F13B: variants seen among roughly 807,000 people sequenced by gnomAD.
F13B encodes the protein TGase.
Under a neutral mutation model 79.8 loss-of-function variants are expected in F13B, and 58 were observed. The ratio of observed to expected loss-of-function variants is 0.73; its 90% CI spans 0.59 to 0.90. F13B has a LOEUF of 0.90. Among genes scored for constraint, F13B ranks in the 40% least tolerant of loss-of-function variants. The pLI is 0.00. For synonymous variants in F13B, 283 were observed against 260.3 expected (o/e 1.09, Z -0.84); for missense variants, 773 against 777.0 (o/e 0.99, Z 0.06).
At chr1:197,039,943 A>G (rs1571546234) in intron 11 of F13B, among the ~76,000 whole-genome samples, 1 of 152,214 alleles carries the variant, frequency 6.6e-6, no homozygotes, top group East Asian at 1.9e-4. Flanking sequence ...AGTGTCTTCA[A>G]AAAGGGTTAA....
chr1:197,057,461 T>C lies in F13B; in HGVS notation c.810A>G (p.Arg270=), dbSNP rs775145343. The C allele has an allele frequency of 3.1e-6, 5 of 1,613,592 alleles. No individual in the cohort carries two copies. In the African/African-American group the frequency reaches 6.7e-5, roughly 22 times the overall value. ...GAGGTGGAGGAGGACATCTGTTTCTTCTTCCTTATGGAAAAAATTAATCAG... is the reference window on the plus strand; with the variant it reads ...GAGGTGGAGGAGGACATCTGTTTCTCCTTCCTTATGGAAAAAATTAATCAG... ...WYPESPVCEG[R]RNRCPPPPLP... The change falls in exon 6 of 12, where the codon AGA becomes AGG. Residue 270 remains arginine (R), a synonymous_variant. Transcript: ENST00000367412.
chr1:197,061,794 C>T lies in F13B; in HGVS notation c.441G>A (p.Arg147=). The change falls in exon 3 of 12, where the codon AGG becomes AGA. Residue 147 remains arginine (R), a synonymous_variant. Coordinates refer to ENST00000367412, the MANE Select transcript of F13B (RefSeq NM_001994.3). ...AAATGATTCTTATACCATGTTCTTT[C>T]CTACAGGTTGGTTGAGAAGACCATC... ...SDGWSSQPTC[R]KEHETCLAPE... is the part of the protein sequence containing the mutation. 6.2e-7 allele frequency: 1 copy of T among 1,612,988 alleles called. No individual in the cohort carries two copies. The highest frequency in any genetic ancestry group is 8.5e-7 in the Non-Finnish European group (1 of 1,179,314).
At chr1:197,049,201 A>C (rs6669374) in intron 10 of F13B, among the ~76,000 whole-genome samples, 2,296 of 152,126 alleles carry the variant, frequency 0.015, 51 homozygotes, top group African/African-American at 0.049. Flanking sequence ...GTATTCATCT[A>C]AACAAGCCAG....
At chr1:197,041,822 A>C (rs1341086568) in intron 10 of F13B, among the ~76,000 whole-genome samples, 4 of 152,262 alleles carry the variant, frequency 2.6e-5, no homozygotes, top group Middle Eastern at 3.4e-3. Flanking sequence ...CGAAACTAGC[A>C]TGGATTTCTT....
chr1:197,041,367 G>A (rs555599304), intron 10 of F13B, among the ~76,000 whole-genome samples: 1 of 152,160 alleles, frequency 6.6e-6, no homozygotes, highest in African/African-American at 2.4e-5. Context: ...GAATGGTAAA[G>A]TATGTATTAA....
chr1:197,054,933 A>T (rs999885094), intron 8 of F13B, among the ~76,000 whole-genome samples: 9 of 152,030 alleles, frequency 5.9e-5, no homozygotes, highest in African/African-American at 2.2e-4. Context: ...ATGTACAAAG[A>T]TTTACTTGAA....
At chr1:197,040,365 AGTT>A (rs1167849730) in intron 11 of F13B, 154 bp downstream of exon 11, 1 of 604,622 alleles carries the variant, frequency 1.7e-6, no homozygotes, top group Non-Finnish European at 2.9e-6. Flanking sequence ...TACCACTTCC[AGTT>A]GTTTGTTTGG....
rs756187354 is a variant in F13B at position 197,039,386 on chromosome 1, TTAAGGG to T, written c.1972_1977del (p.Pro658_Leu659del). On this transcript the variant is annotated inframe_deletion, in exon 12 of 12. Coordinates refer to ENST00000367412, the MANE Select transcript of F13B (RefSeq NM_001994.3). ...CTTTCTGCCATTCATTTCTATGTTC[TTAAGGG>T]TTCTTGATAAGACAGAGTGCTTGAG... 1 of 1,610,952 alleles carries T rather than the reference TTAAGGG, an allele frequency of 6.2e-7. No homozygotes were observed. Among genetic ancestry groups the T allele is most frequent in the Non-Finnish European group, 8.5e-7 (1 of 1,177,824 alleles).
At chr1:197,043,765 A>C (rs1037677132) in intron 10 of F13B, among the ~76,000 whole-genome samples, 3 of 152,130 alleles carry the variant, frequency 2.0e-5, no homozygotes, top group African/African-American at 7.2e-5. Context: ...TGAAACAAGA[A>C]GAAAATGAGA....
rs1387837561 is a variant in F13B, at chr1:197,057,430, T to C, written c.841A>G (p.Ile281Val). 10 of 1,613,908 alleles carry C rather than the reference T, an allele frequency of 6.2e-6. No homozygotes were observed. The highest frequency in any genetic ancestry group is 8.5e-6 in the Non-Finnish European group (10 of 1,179,868). ...RNRCPPPPLPINSKIQTHSTT... is the reference protein window; with the variant it reads ...RNRCPPPPLPVNSKIQTHSTT... ...GAATGTGTTTGAATTTTGGAGTTTA[T>C]GGGCAGAGGTGGAGGAGGACATCTG... The change falls in exon 6 of 12, where the codon ATA (isoleucine) becomes GTA (valine). Residue 281 changes from isoleucine (I) to valine (V), a missense_variant. Physicochemically the swap from Ile to Val is conservative, Grantham distance 29 (BLOSUM62 3). Transcript: ENST00000367412.
At chr1:197,050,268 T>C (rs575032150) in intron 10 of F13B, among the ~76,000 whole-genome samples, 1 of 152,310 alleles carries the variant, frequency 6.6e-6, no homozygotes, top group Non-Finnish European at 1.5e-5. Context: ...TAAATGTTGT[T>C]ACTCTTACTA....
At chr1:197,048,812 G>A (rs17549381) in intron 10 of F13B, among the ~76,000 whole-genome samples, 1,387 of 94,464 alleles carry the variant, frequency 0.015, 6 homozygotes, top group Non-Finnish European at 0.026. Context: ...ACCCAACAAT[G>A]ACAAAGTTAA....
chr1:197,057,001 T>C lies in F13B; in HGVS notation c.1171+12A>G, dbSNP rs1655664233. 5.0e-6 allele frequency: 8 copies of C among 1,612,708 alleles called. No individual in the cohort carries two copies. Among genetic ancestry groups the C allele is most frequent in the Non-Finnish European group, 5.9e-6 (7 of 1,179,440 alleles). On this transcript the variant is annotated intron_variant, in intron 7 of 11. Coordinates refer to ENST00000367412, the MANE Select transcript of F13B (RefSeq NM_001994.3). ...TAAGTTTAGCTACTGATGGTAAATGTAGCATACATACCAACACACTCAGGA... is the reference window on the plus strand; with the variant it reads ...TAAGTTTAGCTACTGATGGTAAATGCAGCATACATACCAACACACTCAGGA...
rs1558312007 is a variant in F13B at position 197,061,856 on chromosome 1, C to T, written c.379G>A (p.Gly127Arg). ...GCASGYKTTG[G>R]KDEEVVQCLS... ...CATTGAACCACTTCTTCATCCTTCC[C>T]TCCAGTGGTTTTGTACCCTGAAGCG... The change falls in exon 3 of 12, where the codon GGG (glycine) becomes AGG (arginine). Residue 127 changes from glycine (G) to arginine (R), a missense_variant. By Grantham distance (125) the Gly-to-Arg change is moderately radical (BLOSUM62 -2). Coordinates refer to ENST00000367412, the MANE Select transcript of F13B (RefSeq NM_001994.3). 6.2e-7 allele frequency: 1 copy of T among 1,613,366 alleles called. No individual in the cohort carries two copies. The highest frequency in any genetic ancestry group is 8.5e-7 in the Non-Finnish European group (1 of 1,179,630).
At chr1:197,047,675 T>G (rs116359808) in intron 10 of F13B, among the ~76,000 whole-genome samples, 1 of 152,176 alleles carries the variant, frequency 6.6e-6, no homozygotes, top group South Asian at 2.1e-4. Context: ...CATTCTGCTA[T>G]AAAGACAAAT....
At position 197,052,970 on chromosome 1, in the gene F13B, C is replaced by T. The variant is rs75240821; in HGVS notation, c.1355-136G>A. 29 of 488,130 alleles carry T rather than the reference C, an allele frequency of 5.9e-5. No homozygotes were observed. In the South Asian group the frequency reaches 7.9e-4, roughly 13 times the overall value. 30.2% of individuals were successfully genotyped at this position (488,130 alleles called of 1,614,324 possible). A position where few individuals can be genotyped will look rare whatever the true frequency, so the allele number is the denominator to read the frequency against. On this transcript the variant is annotated intron_variant, in intron 8 of 11. Transcript: ENST00000367412. ...AATCATAATTAAGGCTTCTCTCACACACATATATATATAAGAAAATATATA... is the reference window on the plus strand; with the variant it reads ...AATCATAATTAAGGCTTCTCTCACATACATATATATATAAGAAAATATATA...
intron 1 of F13B, among the ~76,000 whole-genome samples, chr1:197,063,420 G>A (rs1655940484): frequency 6.6e-6 from 1 of 151,978 alleles, no homozygotes; most frequent in Admixed American, 6.6e-5. Context: ...GAGCTCCTGG[G>A]CTTAAGCAAG....
In F13B at chr1:197,052,619, A is replaced by G. The variant is rs764810891; in HGVS notation, c.1555+15T>C. ...GGTCAAGTAAAGATACTTGCAGAGA[A>G]CATTATTATTTTACCTTTTCTAGTA... On this transcript the variant is annotated intron_variant, in intron 9 of 11. Transcript: ENST00000367412. The G allele has an allele frequency of 8.8e-6, 14 of 1,582,240 alleles. No individual in the cohort carries two copies. The highest frequency in any genetic ancestry group is 9.5e-6 in the Non-Finnish European group (11 of 1,153,464).
intron 5 of F13B, among the ~76,000 whole-genome samples, chr1:197,059,318 A>G (rs2125070302): frequency 6.6e-6 from 1 of 152,284 alleles, no homozygotes; most frequent in Admixed American, 6.5e-5. Context: ...CAAATGAAAA[A>G]TCATAAAATC....
Sources: allele counts gnomAD v4.1 joint callset (sites outside exome capture counted in the v4.1 genomes callset), GRCh38; gene constraint gnomAD v4.1.1; transcripts MANE v1.5; gene names NCBI Gene and HGNC (gene_info 2026-07-23, HGNC 2026-07-21).